The following NEB variants were observed in gnomAD, a reference collection of about 807,000 sequenced individuals.
The protein encoded by NEB is nemaline myopathy type 2.
In NEB, 512 loss-of-function variants were observed where a neutral mutation model predicts 952.2. The ratio of observed to expected loss-of-function variants is 0.54; its 90% CI spans 0.50 to 0.58. The LOEUF (loss-of-function observed/expected upper bound fraction) is 0.58, where lower values mean the gene tolerates loss of function less well. Among genes scored for constraint, NEB ranks in the 20% least tolerant of loss-of-function variants. The probability of loss-of-function intolerance (pLI) is 0.00; values close to 1 mark genes in which losing one functional copy is unlikely to be tolerated. For synonymous variants in NEB, 2,900 were observed against 3,149.8 expected, an observed-to-expected ratio of 0.92 and a Z score of 2.66; for missense variants, 8,428 against 9,231.1, an observed-to-expected ratio of 0.91 and a Z score of 3.56.
rs563522035 is a variant in NEB, at chr2:151,630,804, C to T, written c.9634G>A (p.Ala3212Thr). The change falls in exon 67 of 182, where the codon GCC becomes ACC. Residue 3212 changes from alanine to threonine, a missense_variant. Physicochemically the swap from Ala to Thr is moderately conservative, Grantham distance 58. This residue lies in a region of NEB where 1,772 missense variants were observed against 1,960.3 expected (regional missense o/e 0.90). Transcript: ENST00000397345. ...ATTTGAGTCTTGTCTTTGTCCCAGG[C>T]CTCTGTGTATAAACGCTATAAAAGA... ...LNMNKRLYTE[A>T]WDKDKTQIHI... is the part of the protein sequence containing the mutation. 3 of 1,608,704 alleles carry T rather than the reference C, an allele frequency of 1.9e-6. No homozygotes were observed. The highest frequency in any genetic ancestry group is 2.2e-5 in the South Asian group (2 of 90,184).
chr2:151,657,879 C>A, intron 48 of NEB, 104 bp downstream of exon 48: 1 of 784,378 alleles, frequency 1.3e-6, no homozygotes, highest in South Asian at 1.6e-5. Flanking sequence ...GAGTGAGACC[C>A]ACTGTTTTTC....
At position 151,643,800 on chromosome 2, in the gene NEB, G is replaced by C; in HGVS notation, c.7956+18C>G. ...CAGACATAATGTTTTGTTGGCCAAA[G>C]GAAAATCTTAGACTCACATCGCTCT... is the stretch of plus-strand genomic sequence containing the variant. On this transcript the variant is annotated intron_variant, in intron 57 of 181. Transcript: ENST00000397345. 6.2e-7 allele frequency: 1 copy of C among 1,606,338 alleles called. No individual in the cohort carries two copies. The highest frequency in any genetic ancestry group is 2.2e-5 in the East Asian group (1 of 44,732).
In NEB at chr2:151,679,757, G is replaced by C; in HGVS notation, c.3219C>G (p.Ile1073Met). ...GYDLRTDAIP[I>M]RAAKAARQAA... The stretch of plus-strand genomic sequence containing the variant: ...CCTGCCTGGCAGCTTTGGCAGCTCT[G>C]ATGGGAATCGCATCAGTTCTCAGGT... The change falls in exon 32 of 182, where the codon ATC becomes ATG. Residue 1073 changes from isoleucine (I) to methionine (M), a missense_variant. Around this residue, in one of 11 missense-constraint regions of NEB, gnomAD observed 2,851 missense variants for 2,791.5 expected, o/e 1.02. Transcript: ENST00000397345. 6.2e-7 allele frequency: 1 copy of C among 1,608,670 alleles called. No homozygotes were observed. The highest frequency in any genetic ancestry group is 8.5e-7 in the Non-Finnish European group (1 of 1,177,368).
At chr2:151,635,707 C>CAAAA (rs1292764660) in intron 64 of NEB, among the ~76,000 whole-genome samples, 4 of 86,012 alleles carry the variant, frequency 4.7e-5, no homozygotes, top group African/African-American at 1.4e-4. Context: ...ACTCTGTCTC[C>CAAAA]AAAAAAAAAA....
At chr2:151,706,514 G>A (rs981961144) in intron 13 of NEB, among the ~76,000 whole-genome samples, 2 of 152,146 alleles carry the variant, frequency 1.3e-5, no homozygotes, top group Non-Finnish European at 1.5e-5. Context: ...GATGGTTTCT[G>A]GGGCCAAGAT....
At position 151,618,546 on chromosome 2, in the gene NEB, TA is replaced by T. The variant is rs540846983; in HGVS notation, c.10873-69del. The T allele has an allele frequency of 1.9e-3, 2,829 of 1,454,036 alleles. 4 individuals are homozygous for T. Among genetic ancestry groups the T allele is most frequent in the Non-Finnish European group, 2.2e-3 (2,329 of 1,061,934 alleles). 90.1% of individuals were successfully genotyped at this position (1,454,036 alleles called of 1,614,324 possible). A position where few individuals can be genotyped will look rare whatever the true frequency, so the allele number is the denominator to read the frequency against. The stretch of plus-strand genomic sequence containing the variant: ...TCAGATTCATAGTTACAAAATGGGT[TA>T]TCCTAGAGAAACACAAAAATACCGA... On this transcript the variant is annotated intron_variant, in intron 73 of 181. Coordinates refer to ENST00000397345, the MANE Select transcript of NEB (RefSeq NM_001164508.2).
chr2:151,506,786 C>T (rs2069362556), intron 163 of NEB, 123 bp downstream of exon 163: 2 of 676,120 alleles, frequency 3.0e-6, no homozygotes, highest in Non-Finnish European at 5.1e-6. Flanking sequence ...TAGCAAATCA[C>T]TGCTAGTATT....
chr2:151,696,819 T>A (rs1229936597), intron 16 of NEB, 84 bp from the exon 17 acceptor site: 15 of 951,998 alleles, frequency 1.6e-5, no homozygotes, highest in Non-Finnish European at 2.4e-5. Flanking sequence ...TAGAACCTCA[T>A]GCCCCACAAA....
In NEB at chr2:151,709,561, C is replaced by T. The variant is rs2150010040; in HGVS notation, c.1035+95G>A. 3.3e-6 allele frequency: 3 copies of T among 906,374 alleles called. No individual in the cohort carries two copies. The East Asian group carries it at 8.1e-5, about 24-fold the overall frequency. The allele number at this position is 906,374 out of a possible 1,614,324, so 56.1% of individuals were successfully genotyped here. ...CCTGGTAGTTCCCCCAAGAACCACT[C>T]CTCCCCTTTTTTACTAATTATATAC... On this transcript the variant is annotated intron_variant, in intron 12 of 181. Coordinates refer to ENST00000397345, the MANE Select transcript of NEB (RefSeq NM_001164508.2).
chr2:151,652,572 G>T (rs949920454), intron 52 of NEB, among the ~76,000 whole-genome samples: 8 of 152,170 alleles, frequency 5.3e-5, no homozygotes, highest in Non-Finnish European at 1.0e-4. Context: ...TGGAGATGGA[G>T]AGAAGGTAGG....
In NEB at chr2:151,612,314, C is replaced by T; in HGVS notation, c.11677G>A (p.Val3893Met). ...VPIGSVEVEKVKRAGEILSDR... is the reference protein window; with the variant it reads ...VPIGSVEVEKMKRAGEILSDR... ...CTCAGGATTTCTCCAGCTCTCTTCA[C>T]TTTCTCGACCTCTACAGAGCCAATG... Residue 3893 changes from valine to methionine, a missense_variant, in exon 78 of 182, where the codon GTG (valine) becomes ATG (methionine). Around this residue, in one of 11 missense-constraint regions of NEB, gnomAD observed 337 missense variants for 297.5 expected, o/e 1.13. Coordinates refer to ENST00000397345, the MANE Select transcript of NEB (RefSeq NM_001164508.2). 1.9e-6 allele frequency: 3 copies of T among 1,613,886 alleles called. No homozygotes were observed. Among genetic ancestry groups the T allele is most frequent in the Non-Finnish European group, 2.5e-6 (3 of 1,179,834 alleles).
intron 107 of NEB, among the ~76,000 whole-genome samples, chr2:151,573,502 A>G (rs2096719570): frequency 6.6e-6 from 1 of 152,186 alleles, no homozygotes; most frequent in South Asian, 2.1e-4. Flanking sequence ...CATGATATTG[A>G]TATCTGGTCC....
At chr2:151,614,172 A>C (rs2098118117) in intron 77 of NEB, 104 bp downstream of exon 77, 1 of 1,292,040 alleles carries the variant, frequency 7.7e-7, no homozygotes. Flanking sequence ...ACATTATCCT[A>C]AAGAGGTGTC....
intron 124 of NEB, among the ~76,000 whole-genome samples, chr2:151,560,167 T>C (rs1170890094): frequency 6.6e-6 from 1 of 152,220 alleles, no homozygotes; most frequent in Admixed American, 6.5e-5. Context: ...TCTATTTCAT[T>C]GCTATAAAAT....
chr2:151,662,505 A>G (rs560561105), intron 45 of NEB, among the ~76,000 whole-genome samples, 164 bp from the exon 46 acceptor site: 124 of 152,254 alleles, frequency 8.1e-4, no homozygotes, highest in Non-Finnish European at 1.5e-3. Flanking sequence ...AGCATGTTGA[A>G]CTTCAACCAT....
chr2:151,492,320 T>C (rs760931405), intron 177 of NEB, 39 bp from the exon 178 acceptor site: 1 of 1,600,086 alleles, frequency 6.2e-7, no homozygotes, highest in Non-Finnish European at 8.5e-7. Flanking sequence ...AATATGATGG[T>C]GTGACTATAT....
At chr2:151,505,422 G>T in intron 165 of NEB, 56 bp downstream of exon 165, 2 of 1,395,908 alleles carry the variant, frequency 1.4e-6, no homozygotes, top group South Asian at 1.2e-5. Flanking sequence ...GAGCACCAGG[G>T]TAGCAATTGA....
At chr2:151,505,451 A>G in intron 165 of NEB, 27 bp downstream of exon 165, 1 of 1,590,446 alleles carries the variant, frequency 6.3e-7, no homozygotes, top group Non-Finnish European at 8.6e-7. Flanking sequence ...CAGTCACACA[A>G]ATGGAAGCTG....
chr2:151,634,912 C>T (rs1313000906), intron 64 of NEB, among the ~76,000 whole-genome samples: 1 of 152,084 alleles, frequency 6.6e-6, no homozygotes, highest in African/African-American at 2.4e-5. Flanking sequence ...TATTCATGTC[C>T]AATGACTTCA....
Sources: gnomAD v4.1 joint callset for allele counts (sites outside exome capture counted in the v4.1 genomes callset) on GRCh38, gnomAD v4.1.1 for gene constraint, gnomAD v4.1.1 regional missense constraint, MANE v1.5 for transcripts, NCBI Gene and HGNC (gene_info 2026-07-23, HGNC 2026-07-21) for gene names.